Variants in SLC24A4 observed in about 807,000 individuals in gnomAD.
SLC24A4 encodes solute carrier family 24 member 4, also known as sodium/potassium/calcium exchanger 4.
Under a neutral mutation model 79.0 loss-of-function variants are expected in SLC24A4, and 53 were observed. That is an observed-to-expected ratio of 0.67 (90% confidence interval 0.54 to 0.84). The LOEUF is 0.84. Ranked by LOEUF, SLC24A4 falls within the 40% of genes least tolerant of loss-of-function variation. The pLI, the probability that SLC24A4 is intolerant of heterozygous loss-of-function variation, is 0.00. For synonymous variants in SLC24A4, 323 were observed against 323.8 expected, an observed-to-expected ratio of 1.00 and a Z score of 0.03; for missense variants, 731 against 822.0, an observed-to-expected ratio of 0.89 and a Z score of 1.35.
At position 92,486,705 on chromosome 14, in the gene SLC24A4, A is replaced by G. The variant is rs199580422; in HGVS notation, c.1462A>G (p.Ile488Val). The change falls in exon 14 of 17, where the codon ATC (isoleucine) becomes GTC (valine). Residue 488 changes from isoleucine to valine, a missense_variant. Ile to Val is a conservative substitution (Grantham distance 29). Coordinates refer to ENST00000532405, the MANE Select transcript of SLC24A4 (RefSeq NM_153646.4). ...ATACACACTTGGGATCCCGGATGTCATCATGGGCATTACTTTCCTGGCAGC... is the reference window on the plus strand; with the variant it reads ...ATACACACTTGGGATCCCGGATGTCGTCATGGGCATTACTTTCCTGGCAGC... Reference protein sequence around the residue: ...IGYTLGIPDVIMGITFLAAGT... With the variant: ...IGYTLGIPDVVMGITFLAAGT... 2 of 1,614,138 alleles carry G rather than the reference A, an allele frequency of 1.2e-6. No homozygotes were observed.
intron 2 of SLC24A4, among the ~76,000 whole-genome samples, chr14:92,411,158 G>A (rs191992630): frequency 4.6e-5 from 7 of 152,248 alleles, no homozygotes; most frequent in African/African-American, 1.4e-4. Flanking sequence ...CAGATCCCCC[G>A]TGTTGACTTC....
intron 11 of SLC24A4, among the ~76,000 whole-genome samples, chr14:92,455,520 C>A (rs1210872228): frequency 6.6e-6 from 1 of 152,190 alleles, no homozygotes; most frequent in East Asian, 1.9e-4. Flanking sequence ...TACATTAATA[C>A]TTGAATCCAT....
Position 92,325,941 on chromosome 14 carries a change from G to A in SLC24A4, c.204G>A (p.Val68=), listed in dbSNP as rs766340724. ...TWRNRKLMAP[V]NGTQTAKNCT... ...GAAATAGAAAGTTGATGGCCCCAGT[G>A]AATGGGACACAGACAGCCAAGAACT... Residue 68 remains valine, a synonymous_variant, in exon 2 of 17, where the codon GTG becomes GTA. Transcript: ENST00000532405. The A allele has an allele frequency of 1.3e-5, 21 of 1,612,760 alleles. No individual in the cohort carries two copies. In the East Asian group the frequency reaches 4.2e-4, roughly 32 times the overall value.
chr14:92,453,904 G>C lies in SLC24A4; in HGVS notation c.885G>C (p.Lys295Asn). The stretch of plus-strand genomic sequence containing the variant: ...TCACGGTGTTGCGCTCAACAGTGAA[G>C]GAGAAGCCACAGTATGGCAAGAACC... ...DPSVPLLGQV[K>N]EKPQYGKNPV... Residue 295 changes from lysine (K) to asparagine (N), a missense_variant, in exon 11 of 17, where the codon AAG becomes AAC. Lys to Asn is a moderately conservative substitution (Grantham distance 94, BLOSUM62 0). Transcript: ENST00000532405. 4 of 1,609,902 alleles carry C rather than the reference G, an allele frequency of 2.5e-6. No individual in the cohort carries two copies. Among genetic ancestry groups the C allele is most frequent in the Non-Finnish European group, 3.4e-6 (4 of 1,178,282 alleles).
chr14:92,448,730 A>G (rs1892957483), intron 9 of SLC24A4, among the ~76,000 whole-genome samples: 1 of 152,166 alleles, frequency 6.6e-6, no homozygotes, highest in Non-Finnish European at 1.5e-5. Flanking sequence ...CAGGCCTGGT[A>G]ATGCCCCCTG....
chr14:92,417,141 TGTACA>T (rs1891023238), intron 2 of SLC24A4, among the ~76,000 whole-genome samples: 2 of 152,178 alleles, frequency 1.3e-5, no homozygotes, highest in African/African-American at 4.8e-5. Flanking sequence ...ACAAGGACCA[TGTACA>T]GTCATGCACC....
intron 2 of SLC24A4, among the ~76,000 whole-genome samples, chr14:92,426,115 A>G (rs4904913): frequency 0.42 from 63,865 of 151,960 alleles, 13,650 homozygotes; most frequent in Non-Finnish European, 0.44. Flanking sequence ...GGTCATAAAT[A>G]TGGGGCCCTA....
Position 92,474,860 on chromosome 14 carries a change from TATA to T in SLC24A4, c.1256-7819_1256-7817del, listed in dbSNP as rs1490575551. ...GTGTGTGTGTATATATATATATATA[TATA>T]TTTTTTTTTTTTTTAGTAGACACAG... On this transcript the variant is annotated intron_variant, in intron 12 of 16. Transcript: ENST00000532405. 8.4e-3 allele frequency among the ~76,000 whole-genome samples: 578 copies of T among 69,118 alleles called. 77 individuals are homozygous for T. The highest frequency in any genetic ancestry group is 0.011 in the Non-Finnish European group (418 of 36,876). The allele number at this position is 69,118 out of a possible 152,430, so 45.3% of individuals were successfully genotyped here.
At chr14:92,474,333 C>G (rs1430956503) in intron 12 of SLC24A4, among the ~76,000 whole-genome samples, 1 of 152,158 alleles carries the variant, frequency 6.6e-6, no homozygotes, top group Non-Finnish European at 1.5e-5. Flanking sequence ...GGGCTGGGAG[C>G]TCTGCTCTCT....
chr14:92,447,461 C>G (rs772953878), intron 9 of SLC24A4, 37 bp downstream of exon 9: 6 of 1,581,280 alleles, frequency 3.8e-6, no homozygotes, highest in Non-Finnish European at 5.2e-6. Context: ...CTGCCGACGC[C>G]TTGCCCCACT....
chr14:92,377,400 T>C (rs922454179), intron 2 of SLC24A4, among the ~76,000 whole-genome samples: 8 of 152,216 alleles, frequency 5.3e-5, no homozygotes, highest in African/African-American at 1.7e-4. Flanking sequence ...AGATGAAATA[T>C]ACTATGCCAA....
At chr14:92,423,451 C>T (rs532745271) in intron 2 of SLC24A4, among the ~76,000 whole-genome samples, 14 of 152,274 alleles carry the variant, frequency 9.2e-5, no homozygotes, top group South Asian at 8.3e-4. Context: ...TGAGCTACCA[C>T]GCCCAGCCTA....
chr14:92,393,595 G>A (rs1380593370), intron 2 of SLC24A4, among the ~76,000 whole-genome samples: 1 of 149,754 alleles, frequency 6.7e-6, no homozygotes, highest in Non-Finnish European at 1.5e-5. Context: ...GCCCAGGATG[G>A]AGTATGGTGG....
intron 12 of SLC24A4, among the ~76,000 whole-genome samples, chr14:92,467,034 T>C (rs1403312098): frequency 6.6e-6 from 1 of 152,222 alleles, no homozygotes. Flanking sequence ...CCAGCCTTGA[T>C]GGTACTCCAA....
chr14:92,347,953 C>A (rs1566703372), intron 2 of SLC24A4, among the ~76,000 whole-genome samples: 1 of 151,980 alleles, frequency 6.6e-6, no homozygotes, highest in Non-Finnish European at 1.5e-5. Flanking sequence ...AACAAACAAA[C>A]AAAAAACTTT....
chr14:92,490,540 G>A lies in SLC24A4; in HGVS notation c.1538-1125G>A, dbSNP rs191397994. On this transcript the variant is annotated intron_variant, in intron 14 of 16. Transcript: ENST00000532405. This position sits in a 1 kb window ranked among gnomAD's most constrained non-coding sequence, Gnocchi z 4.3. Reference sequence around the variant, plus strand: ...TATCCTGTGATTCCCAGGCAGGGTCGTGGGTGCTGTTGCCTGGGTCCCAAA... The same window carrying A: ...TATCCTGTGATTCCCAGGCAGGGTCATGGGTGCTGTTGCCTGGGTCCCAAA... 1.4e-4 allele frequency among the ~76,000 whole-genome samples: 22 copies of A among 152,310 alleles called. No homozygotes were observed. Among genetic ancestry groups the A allele is most frequent in the Admixed American group, 3.9e-4 (6 of 15,308 alleles).
At chr14:92,349,022 CATAAG>C in intron 2 of SLC24A4, among the ~76,000 whole-genome samples, 1 of 151,782 alleles carries the variant, frequency 6.6e-6, no homozygotes, top group East Asian at 1.9e-4. Context: ...CTGGGAATCT[CATAAG>C]ATAAACCTTC....
At chr14:92,358,568 AC>A (rs58694265) in intron 2 of SLC24A4, among the ~76,000 whole-genome samples, 34,556 of 151,206 alleles carry the variant, frequency 0.23, 6,561 homozygotes, top group African/African-American at 0.52. Context: ...TCCAGGAGGC[AC>A]CCCCAACTTA....
At chr14:92,344,003 A>G (rs1446131820) in intron 2 of SLC24A4, among the ~76,000 whole-genome samples, 2 of 152,124 alleles carry the variant, frequency 1.3e-5, no homozygotes, top group African/African-American at 4.8e-5. Flanking sequence ...ACGCCCAACC[A>G]AGGCAGGACT....
Sources: allele counts gnomAD v4.1 joint callset (sites outside exome capture counted in the v4.1 genomes callset), GRCh38; gene constraint gnomAD v4.1.1; non-coding constraint Gnocchi (gnomAD v3.1); transcripts MANE v1.5; gene names NCBI Gene and HGNC (gene_info 2026-07-23, HGNC 2026-07-21).